Variants in ARHGAP15 observed in about 807,000 individuals in gnomAD.
ARHGAP15 encodes rho GTPase-activating protein 15.
In ARHGAP15, 51 loss-of-function variants were observed where a neutral mutation model predicts 63.7. That is an observed-to-expected ratio of 0.80 (90% confidence interval 0.64 to 1.01). ARHGAP15 has a LOEUF of 1.01. Ranked by LOEUF, ARHGAP15 falls within the 50% of genes least tolerant of loss-of-function variation. The pLI is 0.00. For synonymous variants in ARHGAP15, 191 were observed against 193.8 expected (o/e 0.99, Z 0.12); for missense variants, 560 against 564.6 (o/e 0.99, Z 0.08).
intron 12 of ARHGAP15, among the ~76,000 whole-genome samples, chr2:143,644,290 T>C (rs1450947620): frequency 6.6e-6 from 1 of 152,086 alleles, no homozygotes; most frequent in Non-Finnish European, 1.5e-5. Flanking sequence ...TTCTTTTCTG[T>C]GTCTCTGTAT....
At chr2:143,143,193 T>C (rs1191573969) in intron 1 of ARHGAP15, among the ~76,000 whole-genome samples, 1 of 151,966 alleles carries the variant, frequency 6.6e-6, no homozygotes, top group East Asian at 1.9e-4. Flanking sequence ...AAACTAAACT[T>C]GTTTAAGTGG....
intron 6 of ARHGAP15, among the ~76,000 whole-genome samples, chr2:143,335,021 C>T (rs1684710120): frequency 6.6e-6 from 1 of 152,168 alleles, no homozygotes; most frequent in Admixed American, 6.5e-5. Flanking sequence ...TGTCATCAAA[C>T]TCACGATCAA....
intron 13 of ARHGAP15, among the ~76,000 whole-genome samples, chr2:143,716,517 A>G (rs1684818362): frequency 6.6e-6 from 1 of 152,196 alleles, no homozygotes; most frequent in African/African-American, 2.4e-5. Context: ...TTGAGATCCA[A>G]TATTGCCATA....
intron 6 of ARHGAP15, among the ~76,000 whole-genome samples, chr2:143,310,771 A>G (rs974884147): frequency 6.6e-6 from 1 of 152,034 alleles, no homozygotes; most frequent in African/African-American, 2.4e-5. Flanking sequence ...CTTTTCAGAT[A>G]AGTCAACTAA....
rs185325256 is a variant in ARHGAP15, at chr2:143,587,552, G to A, written c.1003+31067G>A. The A allele has an allele frequency of 6.1e-3, 1,716 of 279,094 alleles. 15 individuals carry two copies. The highest frequency in any genetic ancestry group is 8.9e-3 in the Non-Finnish European group (1,167 of 130,534). The allele number at this position is 279,094 out of a possible 1,614,324, so 17.3% of individuals were successfully genotyped here. A position where few individuals can be genotyped will look rare whatever the true frequency, so the allele number is the denominator to read the frequency against. On this transcript the variant is annotated intron_variant, in intron 11 of 13. Coordinates refer to ENST00000295095, the MANE Select transcript of ARHGAP15 (RefSeq NM_018460.4). Reference sequence around the variant, plus strand: ...CTTCAAACATTACTTTTAAAAAAAAGCCTCTTTCTATTGAATTATTTCAAA... The same window carrying A: ...CTTCAAACATTACTTTTAAAAAAAAACCTCTTTCTATTGAATTATTTCAAA...
In ARHGAP15 at chr2:143,152,553, T is replaced by A. The variant is rs1689868058; in HGVS notation, c.-14-2924T>A. ...CTTGATAAAGATTATCTCTAGTCTC[T>A]AAAATGGTGCCTGCCACTTAGGAGA... On this transcript the variant is annotated intron_variant, in intron 1 of 13. Coordinates refer to ENST00000295095, the MANE Select transcript of ARHGAP15 (RefSeq NM_018460.4). Among the ~76,000 whole-genome samples, 4 of 152,108 alleles carry A rather than the reference T, an allele frequency of 2.6e-5. No homozygotes were observed. In the South Asian group the frequency reaches 8.3e-4, roughly 32 times the overall value.
chr2:143,732,471 A>C (rs1685577796), intron 13 of ARHGAP15, among the ~76,000 whole-genome samples: 1 of 152,218 alleles, frequency 6.6e-6, no homozygotes, highest in Non-Finnish European at 1.5e-5. Flanking sequence ...ATATGAAATA[A>C]AATAAGATTG....
intron 9 of ARHGAP15, among the ~76,000 whole-genome samples, chr2:143,494,769 T>A (rs996159416): frequency 2.0e-5 from 3 of 152,334 alleles, no homozygotes; most frequent in African/African-American, 7.2e-5. Context: ...ATGATATGGT[T>A]TTGCCTTAGG....
At chr2:143,596,088 T>C (rs1697506828) in intron 11 of ARHGAP15, among the ~76,000 whole-genome samples, 1 of 152,158 alleles carries the variant, frequency 6.6e-6, no homozygotes, top group Non-Finnish European at 1.5e-5. Flanking sequence ...GTGTTGGTTC[T>C]ATTCTCCAGG....
chr2:143,671,862 C>A (rs1044527884), intron 12 of ARHGAP15, among the ~76,000 whole-genome samples: 1 of 152,128 alleles, frequency 6.6e-6, no homozygotes, highest in East Asian at 1.9e-4. Flanking sequence ...TGTAGCATAT[C>A]CATATAGGTA....
At chr2:143,378,629 A>G (rs1008308482) in intron 6 of ARHGAP15, among the ~76,000 whole-genome samples, 2 of 152,102 alleles carry the variant, frequency 1.3e-5, no homozygotes, top group Admixed American at 6.6e-5. Context: ...TTTTTCCAAC[A>G]TCTTCCTAAG....
chr2:143,278,238 G>A lies in ARHGAP15; in HGVS notation c.474+27638G>A, dbSNP rs563449234. Among the ~76,000 whole-genome samples the A allele has an allele frequency of 1.2e-4, 18 of 152,180 alleles. No homozygotes were observed. The South Asian group carries it at 3.5e-3, about 30-fold the overall frequency. On this transcript the variant is annotated intron_variant, in intron 6 of 13. Transcript: ENST00000295095. Reference sequence around the variant, plus strand: ...TGCCTATTGCCGGTCCAGAATGTTCGTGAAGACCTGACAGAGTTAAGCAGA... The same window carrying A: ...TGCCTATTGCCGGTCCAGAATGTTCATGAAGACCTGACAGAGTTAAGCAGA...
chr2:143,540,827 A>G (rs1299191128), intron 10 of ARHGAP15, among the ~76,000 whole-genome samples: 1 of 151,928 alleles, frequency 6.6e-6, no homozygotes, highest in African/African-American at 2.4e-5. Flanking sequence ...CTTCATTTCA[A>G]CTTTGGTGAA....
At chr2:143,239,908 T>C (rs1693795769) in intron 5 of ARHGAP15, among the ~76,000 whole-genome samples, 1 of 146,112 alleles carries the variant, frequency 6.8e-6, no homozygotes, top group South Asian at 2.2e-4. Flanking sequence ...CAAAAATTGC[T>C]TGAACCCAGG....
intron 10 of ARHGAP15, among the ~76,000 whole-genome samples, chr2:143,531,661 G>GT (rs1287338781): frequency 1.3e-5 from 2 of 152,114 alleles, no homozygotes; most frequent in African/African-American, 4.8e-5. Context: ...TGTTCTAAAA[G>GT]TTACACTATA....
intron 12 of ARHGAP15, among the ~76,000 whole-genome samples, chr2:143,666,850 C>A (rs1280859900): frequency 6.7e-6 from 1 of 149,360 alleles, no homozygotes; most frequent in African/African-American, 2.6e-5. Context: ...CAGAGAAATG[C>A]AAATCTAAAC....
At chr2:143,743,289 A>G (rs972498674) in intron 13 of ARHGAP15, among the ~76,000 whole-genome samples, 1 of 152,204 alleles carries the variant, frequency 6.6e-6, no homozygotes, top group Non-Finnish European at 1.5e-5. Context: ...ATGAAAAATA[A>G]GATAATGCAC....
Position 143,544,996 on chromosome 2 carries a change from C to T in ARHGAP15, c.926-11412C>T, listed in dbSNP as rs776417969. Among the ~76,000 whole-genome samples the T allele has an allele frequency of 4.6e-5, 7 of 152,284 alleles. No individual in the cohort carries two copies. In the South Asian group the frequency reaches 1.5e-3, roughly 32 times the overall value. ...ATGGTTAGGAGCACCTTCTTCTTTG[C>T]CTGGGAAAGAGGCTAGTGACACTAT... On this transcript the variant is annotated intron_variant, in intron 10 of 13. Coordinates refer to ENST00000295095, the MANE Select transcript of ARHGAP15 (RefSeq NM_018460.4).
chr2:143,662,020 C>A (rs1559110621), intron 12 of ARHGAP15, among the ~76,000 whole-genome samples: 2 of 152,236 alleles, frequency 1.3e-5, no homozygotes, highest in African/African-American at 2.4e-5. Flanking sequence ...CCCAGGCTTG[C>A]TTAGGTAAAC....
Sources: gnomAD v4.1 joint callset for allele counts (sites outside exome capture counted in the v4.1 genomes callset) on GRCh38, gnomAD v4.1.1 for gene constraint, MANE v1.5 for transcripts, NCBI Gene and HGNC (gene_info 2026-07-23, HGNC 2026-07-21) for gene names.